ANAPC2: variants seen among roughly 807,000 people sequenced by gnomAD.
ANAPC2 encodes the protein anaphase promoting complex subunit 2.
ANAPC2 carries 29 observed loss-of-function variants against 84.3 expected under a neutral mutation model. The ratio of observed to expected loss-of-function variants is 0.34; its 90% confidence interval spans 0.26 to 0.47. The LOEUF (loss-of-function observed/expected upper bound fraction) is 0.47, where lower values mean the gene tolerates loss of function less well. Ranked by LOEUF, ANAPC2 falls within the 20% of genes least tolerant of loss-of-function variation. ANAPC2 has a pLI of 1.00. For synonymous variants in ANAPC2, 571 were observed against 479.4 expected, an observed-to-expected ratio of 1.19 and a Z score of -2.50; for missense variants, 857 against 1,131.7, an observed-to-expected ratio of 0.76 and a Z score of 3.48.
At chr9:137,179,643 T>C (rs932601866) in intron 10 of ANAPC2, among the ~76,000 whole-genome samples, 7 of 152,178 alleles carry the variant, frequency 4.6e-5, no homozygotes, top group Non-Finnish European at 1.0e-4. Flanking sequence ...CACAGACCCA[T>C]AGCCCCGGTC....
At chr9:137,186,175 C>G in intron 3 of ANAPC2, 49 bp downstream of exon 3, 1 of 1,595,898 alleles carries the variant, frequency 6.3e-7, no homozygotes, top group Non-Finnish European at 8.6e-7. Flanking sequence ...TTGCCAGAAA[C>G]CTACTCCCCT....
In ANAPC2 at chr9:137,177,854, C is replaced by T. The variant is rs117663544; in HGVS notation, c.1891-2017G>A. 3.5e-3 allele frequency among the ~76,000 whole-genome samples: 538 copies of T among 152,228 alleles called. 1 individual carries two copies. Among genetic ancestry groups the T allele is most frequent in the Non-Finnish European group, 5.4e-3 (366 of 68,000 alleles). ...CAGAGACACGGGGGAACATCACGGG[C>T]GACGCGGCAGAGACCAGAGCGAGGC... On this transcript the variant is annotated intron_variant, in intron 10 of 12. Transcript: ENST00000323927.
intron 3 of ANAPC2, among the ~76,000 whole-genome samples, chr9:137,185,906 G>A (rs770710430): frequency 6.6e-6 from 1 of 152,204 alleles, no homozygotes; most frequent in Non-Finnish European, 1.5e-5. Flanking sequence ...AGGAGAAGGG[G>A]ATCCATTCAG....
Position 137,180,710 on chromosome 9 carries a change from C to T in ANAPC2, c.1610+78G>A, listed in dbSNP as rs1006271664. On this transcript the variant is annotated intron_variant, in intron 8 of 12. Coordinates refer to ENST00000323927, the MANE Select transcript of ANAPC2 (RefSeq NM_013366.4). ...AGCTCCAACCAGGCCCCAGGCACGG[C>T]GTCAGGGCCCTGTCCCGAGAGAGGC... is the stretch of plus-strand genomic sequence containing the variant. The T allele has an allele frequency of 2.9e-5, 46 of 1,576,126 alleles. No individual in the cohort carries two copies. In the East Asian group the frequency reaches 4.3e-4, roughly 15 times the overall value.
Position 137,180,334 on chromosome 9 carries a change from C to G in ANAPC2, c.1737G>C (p.Glu579Asp). The G allele has an allele frequency of 8.1e-6, 13 of 1,613,252 alleles. No homozygotes were observed. The highest frequency in any genetic ancestry group is 1.1e-5 in the Non-Finnish European group (13 of 1,179,976). The change falls in exon 10 of 13, where the codon GAG becomes GAC. Residue 579 changes from glutamate (E) to aspartate (D), a missense_variant. Coordinates refer to ENST00000323927, the MANE Select transcript of ANAPC2 (RefSeq NM_013366.4). Reference protein sequence around the residue: ...RINANIREEDEKRPAEEQPPF... With the variant: ...RINANIREEDDKRPAEEQPPF... ...GTGGCTGCTCCTCTGCTGGCCGCTT[C>G]TCATCCTCCTCCCGGATGTTGGCAT...
chr9:137,180,229 A>T lies in ANAPC2; in HGVS notation c.1842T>A (p.Asp614Glu). 1.9e-6 allele frequency: 3 copies of T among 1,613,788 alleles called. No individual in the cohort carries two copies. Among genetic ancestry groups the T allele is most frequent in the Non-Finnish European group, 2.5e-6 (3 of 1,180,004 alleles). ...FKDEKLEVPEDIRAALEAYCK... is the reference protein window; with the variant it reads ...FKDEKLEVPEEIRAALEAYCK... ...AGTAAGCCTCCAGGGCTGCCCTGAT[A>T]TCCTCGGGGACCTCCAGCTTCTCGT... is the stretch of plus-strand genomic sequence containing the variant. The change falls in exon 10 of 13, where the codon GAT becomes GAA. Residue 614 changes from aspartate (D) to glutamate (E), a missense_variant. Asp to Glu is a conservative substitution (Grantham distance 45). Transcript: ENST00000323927.
Position 137,183,725 on chromosome 9 carries a change from T to A in ANAPC2, c.1115A>T (p.Gln372Leu). The A allele has an allele frequency of 6.2e-7, 1 of 1,613,138 alleles. No individual in the cohort carries two copies. Among genetic ancestry groups the A allele is most frequent in the Non-Finnish European group, 8.5e-7 (1 of 1,179,928 alleles). Residue 372 changes from glutamine (Q) to leucine (L), a missense_variant, in exon 5 of 13, where the codon CAG becomes CTG. Gln to Leu is a moderately radical substitution (Grantham distance 113). Coordinates refer to ENST00000323927, the MANE Select transcript of ANAPC2 (RefSeq NM_013366.4). Reference protein sequence around the residue: ...KYCLERTDQRQQLLVSLKAAL... With the variant: ...KYCLERTDQRLQLLVSLKAAL... ...AGCCTTGAGGGACACGAGCAGCTGC[T>A]GCCTCTGGTCCGTCCTCTCCAGGCA...
At chr9:137,182,202 C>CA (rs990894350) in intron 6 of ANAPC2, among the ~76,000 whole-genome samples, 13 of 150,890 alleles carry the variant, frequency 8.6e-5, no homozygotes, top group East Asian at 5.9e-4. Context: ...GAGCCTGCCT[C>CA]AAAAAAAAGA....
In ANAPC2 at chr9:137,181,817, C is replaced by A. The variant is rs1360569113; in HGVS notation, c.1332G>T (p.Gly444=). Residue 444 remains glycine (G), a synonymous_variant, in exon 7 of 13, where the codon GGG becomes GGT. Coordinates refer to ENST00000323927, the MANE Select transcript of ANAPC2 (RefSeq NM_013366.4). The part of the protein sequence containing the change: ...TVRQIVAGLT[G]DSDGTGDLAV... The stretch of plus-strand genomic sequence containing the variant: ...CCAGGTCCCCTGTCCCGTCCGAGTC[C>A]CCCGTCAGCCCAGCCACAATCTGCC... 6.2e-7 allele frequency: 1 copy of A among 1,608,784 alleles called. No homozygotes were observed. The highest frequency in any genetic ancestry group is 8.5e-7 in the Non-Finnish European group (1 of 1,179,926).
chr9:137,187,908 G>A lies in ANAPC2; in HGVS notation c.313C>T (p.Pro105Ser), dbSNP rs1428020859. 3 of 1,613,854 alleles carry A rather than the reference G, an allele frequency of 1.9e-6. No homozygotes were observed. The highest frequency in any genetic ancestry group is 1.3e-5 in the African/African-American group (1 of 75,068). ...TCAAGGAGTAGCAAAAGGCACTGGG[G>A]CTCATCCGCAGAGTTCTCGCATTGG... ...ISQCENSADE[P>S]QCLLLLLDAF... Residue 105 changes from proline to serine, a missense_variant, in exon 2 of 13, where the codon CCC becomes TCC. Coordinates refer to ENST00000323927, the MANE Select transcript of ANAPC2 (RefSeq NM_013366.4).
chr9:137,181,654 G>C lies in ANAPC2; in HGVS notation c.1468+27C>G, dbSNP rs73571572. The stretch of plus-strand genomic sequence containing the variant: ...TGGCTGAAGCGCCCCCCACACTGGT[G>C]AAAGGGACCATGTGGGGCAAGCTAA... On this transcript the variant is annotated intron_variant, in intron 7 of 12. Transcript: ENST00000323927. 3.4e-3 allele frequency: 5,381 copies of C among 1,563,280 alleles called. 108 individuals carry two copies. In the African/African-American group the frequency reaches 0.043, roughly 13 times the overall value.
rs901403147 is a variant in ANAPC2, at chr9:137,183,177, G to A, written c.1234C>T (p.Pro412Ser). The A allele has an allele frequency of 5.6e-6, 9 of 1,613,164 alleles. No individual in the cohort carries two copies. The East Asian group carries it at 2.0e-4, about 36-fold the overall frequency. ...SAIKALRVLDPSMVILEVACE... is the reference protein window; with the variant it reads ...SAIKALRVLDSSMVILEVACE... ...GCCACCTCCAGGATGACCATGGAAG[G>A]GTCCAGCACGCGCAGCGCCTTGATG... is the stretch of plus-strand genomic sequence containing the variant. Residue 412 changes from proline to serine, a missense_variant, in exon 6 of 13, where the codon CCT becomes TCT. Physicochemically the swap from Pro to Ser is moderately conservative, Grantham distance 74. This residue lies in a region of ANAPC2 where 425 missense variants were observed against 595.5 expected (regional missense o/e 0.71). Coordinates refer to ENST00000323927, the MANE Select transcript of ANAPC2 (RefSeq NM_013366.4).
At chr9:137,183,503 T>A in intron 5 of ANAPC2, 169 bp downstream of exon 5, 1 of 1,070,064 alleles carries the variant, frequency 9.3e-7, no homozygotes, top group Non-Finnish European at 1.3e-6. Context: ...ACAAGCAAGC[T>A]GACGGGCACC....
intron 1 of ANAPC2, 111 bp downstream of exon 1, chr9:137,188,305 G>A (rs998555129): frequency 6.7e-6 from 9 of 1,339,926 alleles, no homozygotes; most frequent in South Asian, 4.0e-5. Flanking sequence ...TGGCAGGACA[G>A]GACAGAGGCG....
At chr9:137,181,069 G>A in intron 7 of ANAPC2, 140 bp from the exon 8 acceptor site, 1 of 1,115,662 alleles carries the variant, frequency 9.0e-7, no homozygotes, top group Non-Finnish European at 1.3e-6. Flanking sequence ...GCAGCCCTGA[G>A]CCTCCCGGGA....
intron 11 of ANAPC2, 78 bp from the exon 12 acceptor site, chr9:137,175,550 C>CG (rs1313811234): frequency 1.8e-5 from 26 of 1,481,914 alleles, no homozygotes; most frequent in East Asian, 9.9e-5. Context: ...GCCGAGAGGT[C>CG]GGGGGGCTCC....
intron 6 of ANAPC2, among the ~76,000 whole-genome samples, chr9:137,182,739 G>A (rs561356888): frequency 1.8e-4 from 27 of 152,328 alleles, no homozygotes; most frequent in African/African-American, 6.3e-4. Flanking sequence ...AGCCCCAGGA[G>A]TGTCTGTTCC....
intron 11 of ANAPC2, 41 bp from the exon 12 acceptor site, chr9:137,175,513 G>A (rs757278216): frequency 1.9e-5 from 29 of 1,509,494 alleles, no homozygotes; most frequent in South Asian, 1.2e-4. Flanking sequence ...GCCTGGGCAC[G>A]GGCTGCACCT....
chr9:137,176,207 G>GTT, intron 10 of ANAPC2: 1 of 166,404 alleles, frequency 6.0e-6, no homozygotes, highest in African/African-American at 3.8e-5. Flanking sequence ...AGGCAGGCGG[G>GTT]GAGGGGGCCA....
Sources: gnomAD v4.1 joint callset for allele counts (sites outside exome capture counted in the v4.1 genomes callset) on GRCh38, gnomAD v4.1.1 for gene constraint, gnomAD v4.1.1 regional missense constraint, MANE v1.5 for transcripts, NCBI Gene and HGNC (gene_info 2026-07-23, HGNC 2026-07-21) for gene names.